The following DPCD variants were observed in gnomAD, a reference collection of about 807,000 sequenced individuals.
DPCD encodes deleted in primary ciliary dyskinesia homolog (mouse), also known as protein DPCD.
A neutral mutation model predicts 26.4 loss-of-function variants in DPCD; 20 were observed. The observed-to-expected ratio is 0.76, with a 90% CI of 0.53 to 1.10. The LOEUF (loss-of-function observed/expected upper bound fraction) is 1.10, where lower values mean the gene tolerates loss of function less well. Ranked by LOEUF, DPCD falls within the 50% of genes least tolerant of loss-of-function variation. The pLI is 0.00. For missense variants in DPCD, 202 were observed against 253.9 expected, an observed-to-expected ratio of 0.80 and a Z score of 1.39; for synonymous variants, 97 against 94.2, an observed-to-expected ratio of 1.03 and a Z score of -0.17.
intron 4 of DPCD, chr10:101,605,275 A>T (rs1589728993): frequency 1.3e-6 from 2 of 1,541,550 alleles, no homozygotes; most frequent in East Asian, 4.9e-5. Flanking sequence ...CAGCCTCCAG[A>T]GTCTCTCTCC....
At chr10:101,606,593 A>G (rs1331451226) in intron 4 of DPCD, among the ~76,000 whole-genome samples, 1 of 152,194 alleles carries the variant, frequency 6.6e-6, no homozygotes, top group Non-Finnish European at 1.5e-5. Flanking sequence ...CTGGGATTAC[A>G]GGCATGAGTC....
chr10:101,594,815 A>G (rs1445038938), intron 2 of DPCD, 77 bp downstream of exon 2: 14 of 1,382,410 alleles, frequency 1.0e-5, no homozygotes, highest in Non-Finnish European at 1.4e-5. Flanking sequence ...TCCTAGCCTT[A>G]GGCTTGAGGT....
chr10:101,602,812 C>T (rs12355004), intron 4 of DPCD, among the ~76,000 whole-genome samples: 4,432 of 152,342 alleles, frequency 0.029, 109 homozygotes, highest in Middle Eastern at 0.051. Context: ...TGGCTGCTGC[C>T]TCTTTTTTGT....
intron 1 of DPCD, among the ~76,000 whole-genome samples, chr10:101,593,675 G>A (rs1216908562): frequency 2.0e-5 from 3 of 152,108 alleles, no homozygotes; most frequent in South Asian, 2.1e-4. Flanking sequence ...TGAAACCTCC[G>A]CCTCCCGGGT....
intron 1 of DPCD, among the ~76,000 whole-genome samples, chr10:101,593,303 C>T (rs2063625715): frequency 1.3e-5 from 2 of 152,198 alleles, no homozygotes; most frequent in East Asian, 1.9e-4. Context: ...GCTAGAGGCC[C>T]TGCAAATTTA....
At chr10:101,604,513 T>G (rs1001219678) in intron 4 of DPCD, among the ~76,000 whole-genome samples, 2 of 152,226 alleles carry the variant, frequency 1.3e-5, no homozygotes, top group Non-Finnish European at 2.9e-5. Context: ...TTGATTGCAG[T>G]GTATCATGTC....
rs746287177 is a variant in DPCD, at chr10:101,594,707, AG to A, written c.115del (p.Glu39AsnfsTer11). 2 of 1,614,184 alleles carry A rather than the reference AG, an allele frequency of 1.2e-6. No homozygotes were observed. The highest frequency in any genetic ancestry group is 1.7e-6 in the Non-Finnish European group (2 of 1,180,014). ...LFPDGKEMAE[E>X]YDEKTSELLV... ...TCCCAGACGGCAAGGAAATGGCTGA[AG>A]AATATGACGAGAAGACGAGTGAACT... On this transcript the variant is annotated frameshift_variant, in exon 2 of 6. Coordinates refer to ENST00000370151, the MANE Select transcript of DPCD (RefSeq NM_015448.3). LOFTEE classifies it high-confidence loss of function.
intron 1 of DPCD, among the ~76,000 whole-genome samples, chr10:101,592,789 G>A (rs1384456599): frequency 6.6e-6 from 1 of 152,040 alleles, no homozygotes; most frequent in East Asian, 1.9e-4. Context: ...GCTGAGATGG[G>A]CAGATCACGA....
Position 101,603,975 on chromosome 10 carries a change from C to G in DPCD, c.404+2639C>G, listed in dbSNP as rs1442639783. 1.3e-5 allele frequency among the ~76,000 whole-genome samples: 2 copies of G among 152,076 alleles called. No individual in the cohort carries two copies. Among genetic ancestry groups the G allele is most frequent in the African/African-American group, 2.4e-5 (1 of 41,412 alleles). On this transcript the variant is annotated intron_variant, in intron 4 of 5. Transcript: ENST00000370151. The surrounding 1 kb of genome is among the most constrained non-coding windows in gnomAD (Gnocchi z 4.6). ...CTCTCCATTTTGCCCAAGCTGCTCTCAAAATCCTGGGCTCAAGTGATCCTC... is the reference window on the plus strand; with the variant it reads ...CTCTCCATTTTGCCCAAGCTGCTCTGAAAATCCTGGGCTCAAGTGATCCTC...
chr10:101,609,015 G>A (rs2134786603), intron 5 of DPCD, 78 bp downstream of exon 5: 3 of 1,220,434 alleles, frequency 2.5e-6, no homozygotes, highest in Non-Finnish European at 3.6e-6. Flanking sequence ...CATCCCATAA[G>A]AGTCCTCAGT....
intron 4 of DPCD, among the ~76,000 whole-genome samples, chr10:101,607,717 C>T (rs1564897125): frequency 6.6e-6 from 1 of 150,932 alleles, no homozygotes; most frequent in Non-Finnish European, 1.5e-5. Flanking sequence ...CCCCAGGCCT[C>T]TCACTTGAGT....
In DPCD at chr10:101,593,180, A is replaced by G. The variant is rs142831323; in HGVS notation, c.65-1478A>G. ...GCCAAGGGGAGAAGATGGTCAGGCA[A>G]GACCCCCTCAGCTCCTCCCAGGCAG... On this transcript the variant is annotated intron_variant, in intron 1 of 5. Transcript: ENST00000370151. Among the ~76,000 whole-genome samples, 530 of 152,270 alleles carry G rather than the reference A, an allele frequency of 3.5e-3. 3 individuals are homozygous for G. Among genetic ancestry groups the G allele is most frequent in the African/African-American group, 0.012 (503 of 41,564 alleles).
At chr10:101,601,092 G>GAGTGGAGCAATAGC in intron 3 of DPCD, 111 bp from the exon 4 acceptor site, 1 of 1,530,842 alleles carries the variant, frequency 6.5e-7, no homozygotes, top group Non-Finnish European at 8.9e-7. Context: ...CGTCAGAGGG[G>GAGTGGAGCAATAGC]AGCAGTGGAG....
chr10:101,592,423 T>G (rs2063616773), intron 1 of DPCD, among the ~76,000 whole-genome samples: 1 of 151,956 alleles, frequency 6.6e-6, no homozygotes, highest in Non-Finnish European at 1.5e-5. Context: ...AAAACCCACT[T>G]TAAACAAAGT....
rs777917445 is a variant in DPCD, at chr10:101,600,969, G to A, written c.270+107G>A. On this transcript the variant is annotated intron_variant, in intron 3 of 5. Transcript: ENST00000370151. The surrounding 1 kb of genome is among the most constrained non-coding windows in gnomAD (Gnocchi z 4.7). ...TGTCTTGTTCACCTCCTCGCCTCCAGTGTGCCACCTGGACACAGCACTCTA... is the reference window on the plus strand; with the variant it reads ...TGTCTTGTTCACCTCCTCGCCTCCAATGTGCCACCTGGACACAGCACTCTA... 6.4e-6 allele frequency: 10 copies of A among 1,558,354 alleles called. No individual in the cohort carries two copies. The highest frequency in any genetic ancestry group is 8.7e-6 in the Non-Finnish European group (10 of 1,153,410).
rs143675218 is a variant in DPCD at position 101,592,816 on chromosome 10, C to G, written c.65-1842C>G. On this transcript the variant is annotated intron_variant, in intron 1 of 5. Transcript: ENST00000370151. ...AGATCACGAGCTCAGGAGATTGAAA[C>G]CATCCTAGCCAAAATGGTGAAGCCC... Among the ~76,000 whole-genome samples the G allele has an allele frequency of 2.2e-3, 333 of 152,170 alleles. 1 individual carries two copies. Among genetic ancestry groups the G allele is most frequent in the African/African-American group, 7.8e-3 (324 of 41,514 alleles).
At position 101,603,484 on chromosome 10, in the gene DPCD, G is replaced by A. The variant is rs1036989100; in HGVS notation, c.404+2148G>A. ...TTAAGAGATGGAGTCTTGGCTGGGC[G>A]CGGTGGCTCACGCCTGTAATCCCAG... On this transcript the variant is annotated intron_variant, in intron 4 of 5. Coordinates refer to ENST00000370151, the MANE Select transcript of DPCD (RefSeq NM_015448.3). This position sits in a 1 kb window ranked among gnomAD's most constrained non-coding sequence, Gnocchi z 4.6. Among the ~76,000 whole-genome samples the A allele has an allele frequency of 1.3e-5, 2 of 151,344 alleles. No homozygotes were observed. The highest frequency in any genetic ancestry group is 2.9e-5 in the Non-Finnish European group (2 of 67,908).
intron 2 of DPCD, among the ~76,000 whole-genome samples, chr10:101,597,013 T>C (rs2063657059): frequency 6.6e-6 from 1 of 152,212 alleles, no homozygotes; most frequent in African/African-American, 2.4e-5. Context: ...ACCCTCTCAG[T>C]GCTATTCATT....
chr10:101,609,099 G>A, intron 5 of DPCD, 162 bp downstream of exon 5: 2 of 694,000 alleles, frequency 2.9e-6, no homozygotes. Context: ...GAGCAGGGAG[G>A]GGGCTCAGGA....
Sources: gnomAD v4.1 joint callset for allele counts (sites outside exome capture counted in the v4.1 genomes callset) on GRCh38, gnomAD v4.1.1 for gene constraint, Gnocchi (gnomAD v3.1) non-coding constraint, MANE v1.5 for transcripts, NCBI Gene and HGNC (gene_info 2026-07-23, HGNC 2026-07-21) for gene names.